CCDC91: variants seen among roughly 807,000 people sequenced by gnomAD.
The protein encoded by CCDC91 is coiled-coil domain containing 91.
Under a neutral mutation model 63.2 loss-of-function variants are expected in CCDC91, and 48 were observed. The ratio of observed to expected loss-of-function variants is 0.76; its 90% CI spans 0.60 to 0.97. CCDC91 has a LOEUF of 0.97. Ranked by LOEUF, CCDC91 falls within the 50% of genes least tolerant of loss-of-function variation. CCDC91 has a pLI of 0.00. For synonymous variants in CCDC91, 167 were observed against 165.8 expected (o/e 1.01, Z -0.06); for missense variants, 500 against 494.6 (o/e 1.01, Z -0.10).
rs534953938 is a variant in CCDC91 at position 28,470,287 on chromosome 12, A to T, written c.1102-13765A>T. ...AAATAGAGAAAATATTTGAAAAGAC[A>T]TTTCTCAAAAGAAGACATACAAATG... On this transcript the variant is annotated intron_variant, in intron 11 of 12. Coordinates refer to ENST00000536442, the MANE Select transcript of CCDC91 (RefSeq NM_018318.5). Among the ~76,000 whole-genome samples the T allele has an allele frequency of 5.3e-5, 8 of 152,290 alleles. No individual in the cohort carries two copies. The East Asian group carries it at 1.5e-3, about 29-fold the overall frequency.
intron 7 of CCDC91, among the ~76,000 whole-genome samples, chr12:28,388,315 A>G (rs1165095119): frequency 2.0e-5 from 3 of 152,184 alleles, no homozygotes; most frequent in Admixed American, 1.3e-4. Context: ...AGAGAAAGTC[A>G]AACTGTTGCT....
intron 6 of CCDC91, among the ~76,000 whole-genome samples, chr12:28,327,706 G>A (rs1335220609): frequency 1.3e-5 from 2 of 152,070 alleles, no homozygotes; most frequent in African/African-American, 4.8e-5. Context: ...GTGAAACAAC[G>A]AACCTTGGGT....
chr12:28,191,289 C>G (rs1018127410), intron 1 of CCDC91: 1 of 152,282 alleles, frequency 6.6e-6, no homozygotes, highest in African/African-American at 2.4e-5. Flanking sequence ...TTTGGCTTCA[C>G]TTTAAGGAGT....
intron 3 of CCDC91, among the ~76,000 whole-genome samples, chr12:28,293,218 G>A (rs1415150831): frequency 1.3e-5 from 2 of 152,132 alleles, no homozygotes; most frequent in Non-Finnish European, 2.9e-5. Flanking sequence ...TGCAACTGAA[G>A]AAAAACTAGC....
chr12:28,536,513 T>A (rs1430856184), intron 12 of CCDC91, among the ~76,000 whole-genome samples: 1 of 152,214 alleles, frequency 6.6e-6, no homozygotes. Flanking sequence ...TAAATCAGAT[T>A]TTCTGGATGA....
At chr12:28,319,136 G>GA (rs1393297821) in intron 6 of CCDC91, among the ~76,000 whole-genome samples, 2 of 151,854 alleles carry the variant, frequency 1.3e-5, no homozygotes, top group African/African-American at 4.8e-5. Flanking sequence ...AGTTAGTTTG[G>GA]AAATTTAAAA....
At chr12:28,479,824 A>G (rs1466029009) in intron 11 of CCDC91, among the ~76,000 whole-genome samples, 1 of 146,920 alleles carries the variant, frequency 6.8e-6, no homozygotes, top group African/African-American at 2.7e-5. Context: ...AGAGTTAGCA[A>G]CTTTTGAAGA....
chr12:28,401,108 CACTCT>C (rs1946594124), intron 8 of CCDC91, among the ~76,000 whole-genome samples: 1 of 152,132 alleles, frequency 6.6e-6, no homozygotes, highest in Admixed American at 6.5e-5. Flanking sequence ...CAGCAGTACC[CACTCT>C]CTGTGGTACC....
chr12:28,474,523 T>G (rs1950982225), intron 11 of CCDC91, among the ~76,000 whole-genome samples: 1 of 152,118 alleles, frequency 6.6e-6, no homozygotes, highest in African/African-American at 2.4e-5. Flanking sequence ...ATGGTTGTAT[T>G]TTAAGCCACT....
At chr12:28,461,776 A>G (rs3926041) in intron 11 of CCDC91, among the ~76,000 whole-genome samples, 31,701 of 152,006 alleles carry the variant, frequency 0.21, 4,342 homozygotes, top group Non-Finnish European at 0.31. Flanking sequence ...CTTCAGTACC[A>G]CTAAATTGCT....
chr12:28,500,506 ATCT>A (rs1033625485), intron 12 of CCDC91, among the ~76,000 whole-genome samples: 2 of 151,784 alleles, frequency 1.3e-5, no homozygotes, highest in African/African-American at 4.8e-5. Flanking sequence ...TAGATACATC[ATCT>A]TCTTTGCTTC....
chr12:28,224,435 G>A lies in CCDC91; in HGVS notation c.-14-32767G>A, dbSNP rs549467426. On this transcript the variant is annotated intron_variant, in intron 1 of 12. Transcript: ENST00000536442. ...GGCTTATATACTGGTATAGGGGGGA[G>A]TATTTCCTCCCTTTTTCTTTCTCTC... Among the ~76,000 whole-genome samples, 8 of 152,232 alleles carry A rather than the reference G, an allele frequency of 5.3e-5. No individual in the cohort carries two copies. In the East Asian group the frequency reaches 7.7e-4, roughly 15 times the overall value.
intron 12 of CCDC91, among the ~76,000 whole-genome samples, chr12:28,530,891 C>T (rs1941677980): frequency 6.6e-6 from 1 of 152,094 alleles, no homozygotes; most frequent in African/African-American, 2.4e-5. Context: ...ACTTAATCCC[C>T]AGTGCAACAG....
chr12:28,349,579 T>C (rs1190247492), intron 6 of CCDC91, among the ~76,000 whole-genome samples: 1 of 152,224 alleles, frequency 6.6e-6, no homozygotes, highest in Admixed American at 6.5e-5. Context: ...ATTTTTATTT[T>C]ATACTGAGTC....
chr12:28,508,431 G>A (rs1443884452), intron 12 of CCDC91, among the ~76,000 whole-genome samples: 2 of 151,674 alleles, frequency 1.3e-5, no homozygotes, highest in African/African-American at 2.4e-5. Context: ...TAAGGCCCTG[G>A]GTGCTGTATT....
chr12:28,230,521 G>A (rs1944522474), intron 1 of CCDC91, among the ~76,000 whole-genome samples: 2 of 152,302 alleles, frequency 1.3e-5, no homozygotes, highest in Admixed American at 6.5e-5. Context: ...ACTGGAAATA[G>A]GTGCCTACAC....
chr12:28,288,178 T>C (rs1949019640), intron 3 of CCDC91, among the ~76,000 whole-genome samples: 1 of 152,214 alleles, frequency 6.6e-6, no homozygotes, highest in Non-Finnish European at 1.5e-5. Context: ...TTCTTTTTAT[T>C]TGGATGTACT....
intron 11 of CCDC91, among the ~76,000 whole-genome samples, chr12:28,476,587 T>A (rs11049648): frequency 0.21 from 31,731 of 151,814 alleles, 4,343 homozygotes; most frequent in Non-Finnish European, 0.31. Context: ...AACACATTCA[T>A]AAGCTAGCAG....
intron 8 of CCDC91, among the ~76,000 whole-genome samples, chr12:28,410,981 T>A (rs946041432): frequency 1.3e-5 from 2 of 152,184 alleles, no homozygotes; most frequent in Admixed American, 1.3e-4. Flanking sequence ...ATGGTATCAT[T>A]TTAGGTCTCC....
Sources: gnomAD v4.1 joint callset for allele counts (sites outside exome capture counted in the v4.1 genomes callset) on GRCh38, gnomAD v4.1.1 for gene constraint, MANE v1.5 for transcripts, NCBI Gene and HGNC (gene_info 2026-07-23, HGNC 2026-07-21) for gene names.